The following MEGF11 variants were observed in gnomAD, a reference collection of about 807,000 sequenced individuals.
The protein encoded by MEGF11 is multiple epidermal growth factor-like domains protein 11.
Under a neutral mutation model 146.6 loss-of-function variants are expected in MEGF11, and 126 were observed. That is an observed-to-expected ratio of 0.86 (90% CI 0.74 to 1.00). MEGF11 has a LOEUF of 1.00. MEGF11 is among the 50% of genes least tolerant of loss of function. The pLI is 0.00. For synonymous variants in MEGF11, 532 were observed against 583.4 expected, an observed-to-expected ratio of 0.91 and a Z score of 1.27; for missense variants, 1,509 against 1,521.2, an observed-to-expected ratio of 0.99 and a Z score of 0.13.
chr15:66,128,201 C>A, intron 2 of MEGF11, 105 bp downstream of exon 2: 3 of 660,778 alleles, frequency 4.5e-6, no homozygotes, highest in South Asian at 2.8e-5. Flanking sequence ...AGGCTGCAGA[C>A]CCTTAGAGGG....
intron 1 of MEGF11, among the ~76,000 whole-genome samples, chr15:66,145,496 T>TG (rs2089336509): frequency 6.6e-6 from 1 of 152,176 alleles, no homozygotes; most frequent in Non-Finnish European, 1.5e-5. Flanking sequence ...CATTTGGCTT[T>TG]GGAGTTCTTA....
intron 5 of MEGF11, among the ~76,000 whole-genome samples, chr15:66,035,363 G>A (rs958116154): frequency 2.6e-5 from 4 of 152,192 alleles, no homozygotes; most frequent in African/African-American, 7.2e-5. Context: ...TGCAATAACT[G>A]CACAATGTGG....
intron 1 of MEGF11, among the ~76,000 whole-genome samples, chr15:66,248,617 GC>G (rs903043554): frequency 6.6e-6 from 1 of 152,146 alleles, no homozygotes; most frequent in Non-Finnish European, 1.5e-5. Context: ...TTAAGTTTCA[GC>G]CTCACATTTT....
intron 1 of MEGF11, among the ~76,000 whole-genome samples, chr15:66,187,423 G>A (rs999725250): frequency 2.0e-5 from 3 of 152,204 alleles, no homozygotes; most frequent in Non-Finnish European, 4.4e-5. Flanking sequence ...TGGCTCAGTG[G>A]CTGAGCCCAG....
At chr15:65,947,478 AG>A (rs2080241886) in intron 10 of MEGF11, among the ~76,000 whole-genome samples, 1 of 152,156 alleles carries the variant, frequency 6.6e-6, no homozygotes, top group Non-Finnish European at 1.5e-5. Context: ...AGAATCCCAG[AG>A]TGCAAAGTGG....
chr15:66,083,728 A>T (rs2085988736), intron 5 of MEGF11, among the ~76,000 whole-genome samples: 1 of 152,188 alleles, frequency 6.6e-6, no homozygotes. Context: ...AGCCTGGGCA[A>T]CATAGTGAGA....
chr15:66,002,364 G>C (rs1262735521), intron 5 of MEGF11, among the ~76,000 whole-genome samples: 1 of 152,206 alleles, frequency 6.6e-6, no homozygotes, highest in Non-Finnish European at 1.5e-5. Flanking sequence ...GACGGGGGTG[G>C]AGTCTGGTCA....
chr15:65,916,035 A>G, intron 18 of MEGF11, 113 bp downstream of exon 18: 1 of 1,305,586 alleles, frequency 7.7e-7, no homozygotes, highest in Non-Finnish European at 1.0e-6. Flanking sequence ...CCCAAAGTCA[A>G]GGGACCAAGG....
At chr15:66,156,777 C>A (rs922006490) in intron 1 of MEGF11, among the ~76,000 whole-genome samples, 2 of 152,216 alleles carry the variant, frequency 1.3e-5, no homozygotes, top group Non-Finnish European at 2.9e-5. Flanking sequence ...ACCTATACCA[C>A]CTCTGGGTGG....
At chr15:66,146,968 A>C (rs115835911) in intron 1 of MEGF11, among the ~76,000 whole-genome samples, 8,049 of 152,226 alleles carry the variant, frequency 0.053, 309 homozygotes, top group African/African-American at 0.097. Context: ...CTCACTCAGT[A>C]CCACTCCTGA....
intron 1 of MEGF11, among the ~76,000 whole-genome samples, chr15:66,132,999 C>A (rs1015901581): frequency 2.6e-5 from 4 of 152,180 alleles, no homozygotes; most frequent in Non-Finnish European, 5.9e-5. Flanking sequence ...TGCAGCCAAC[C>A]TCCACCCCAA....
chr15:66,044,740 T>C (rs1416252453), intron 5 of MEGF11, among the ~76,000 whole-genome samples: 1 of 150,518 alleles, frequency 6.6e-6, no homozygotes, highest in Non-Finnish European at 1.5e-5. Context: ...GTAGTCCCAG[T>C]TACCTGAGAG....
chr15:65,951,673 C>A (rs148026876), intron 10 of MEGF11, among the ~76,000 whole-genome samples: 1 of 150,984 alleles, frequency 6.6e-6, no homozygotes, highest in Non-Finnish European at 1.5e-5. Flanking sequence ...GGCAACAGAG[C>A]AAGAGTCCAT....
chr15:66,029,675 C>A (rs2083451937), intron 5 of MEGF11, among the ~76,000 whole-genome samples: 1 of 152,190 alleles, frequency 6.6e-6, no homozygotes, highest in South Asian at 2.1e-4. Context: ...GGCCACCTGC[C>A]CCCTACTCAA....
chr15:65,962,268 CA>C (rs2080884272), intron 9 of MEGF11, among the ~76,000 whole-genome samples: 1 of 152,198 alleles, frequency 6.6e-6, no homozygotes, highest in Non-Finnish European at 1.5e-5. Flanking sequence ...TCCATAAGAA[CA>C]ATCAAGCGCA....
At chr15:65,969,156 G>A (rs983305183) in intron 8 of MEGF11, among the ~76,000 whole-genome samples, 14 of 152,146 alleles carry the variant, frequency 9.2e-5, no homozygotes, top group Non-Finnish European at 1.9e-4. Flanking sequence ...GGCACATCTC[G>A]ACAGGGAAAA....
chr15:66,210,637 T>G (rs1296437442), intron 1 of MEGF11, among the ~76,000 whole-genome samples: 1 of 152,160 alleles, frequency 6.6e-6, no homozygotes, highest in Non-Finnish European at 1.5e-5. Context: ...GAAAATCGAC[T>G]GCATTCTGCA....
At chr15:66,143,397 T>G (rs534696122) in intron 1 of MEGF11, among the ~76,000 whole-genome samples, 208 of 152,238 alleles carry the variant, frequency 1.4e-3, no homozygotes, top group Middle Eastern at 3.4e-3. Context: ...CATGCTGGAT[T>G]AGGCCCCGGA....
intron 5 of MEGF11, among the ~76,000 whole-genome samples, chr15:66,068,079 G>A (rs1431912953): frequency 6.6e-6 from 1 of 152,172 alleles, no homozygotes; most frequent in Admixed American, 6.5e-5. Flanking sequence ...GATCAAGTAA[G>A]CTAGTTCATG....
Sources: gnomAD v4.1 joint callset for allele counts (sites outside exome capture counted in the v4.1 genomes callset) on GRCh38, gnomAD v4.1.1 for gene constraint, MANE v1.5 for transcripts, NCBI Gene and HGNC (gene_info 2026-07-23, HGNC 2026-07-21) for gene names.